The following NXPH1 variants were observed in gnomAD, a reference collection of about 807,000 sequenced individuals.
NXPH1 encodes neurexophilin 1.
NXPH1 carries 5 observed loss-of-function variants against 23.7 expected under a neutral mutation model. That is an observed-to-expected ratio of 0.21 (90% confidence interval 0.11 to 0.44). The LOEUF (loss-of-function observed/expected upper bound fraction) is 0.44, where lower values mean the gene tolerates loss of function less well. Among genes scored for constraint, NXPH1 ranks in the 20% least tolerant of loss-of-function variants. NXPH1 has a pLI of 0.99. For synonymous variants in NXPH1, 144 were observed against 122.2 expected (o/e 1.18, Z -1.18); for missense variants, 324 against 321.6 (o/e 1.01, Z -0.06).
intron 2 of NXPH1, among the ~76,000 whole-genome samples, chr7:8,560,824 A>G (rs1174483173): frequency 1.3e-5 from 2 of 151,576 alleles, no homozygotes; most frequent in Non-Finnish European, 3.0e-5. Context: ...CAAAACCTCA[A>G]TTTGCTAAGG....
chr7:8,601,320 A>G (rs1562420783), intron 2 of NXPH1, among the ~76,000 whole-genome samples: 1 of 152,120 alleles, frequency 6.6e-6, no homozygotes, highest in Non-Finnish European at 1.5e-5. Flanking sequence ...GTGTTTGGTC[A>G]TAGGAGAACC....
chr7:8,579,848 A>T (rs943506725), intron 2 of NXPH1, among the ~76,000 whole-genome samples: 3 of 152,200 alleles, frequency 2.0e-5, no homozygotes, highest in African/African-American at 7.2e-5. Context: ...AGCCATCCCT[A>T]TTAAATCCAT....
chr7:8,694,512 A>G (rs959510924), intron 2 of NXPH1, among the ~76,000 whole-genome samples: 4 of 152,340 alleles, frequency 2.6e-5, no homozygotes, highest in South Asian at 4.1e-4. Context: ...TTGCCCTAGT[A>G]CCACATCAGA....
At position 8,448,740 on chromosome 7, in the gene NXPH1, G is replaced by A. The variant is rs540868613; in HGVS notation, c.54+12973G>A. 3.3e-4 allele frequency among the ~76,000 whole-genome samples: 50 copies of A among 151,046 alleles called. No homozygotes were observed. In the Middle Eastern group the frequency reaches 0.017, roughly 52 times the overall value. On this transcript the variant is annotated intron_variant, in intron 2 of 2. Coordinates refer to ENST00000405863, the MANE Select transcript of NXPH1 (RefSeq NM_152745.3). ...TGAGGCAAGAGAATTGCTTGAACCT[G>A]GGAGGGGGAGGTTGCCATGAGCTGA... is the stretch of plus-strand genomic sequence containing the variant.
intron 2 of NXPH1, among the ~76,000 whole-genome samples, chr7:8,705,446 C>T (rs752965357): frequency 6.6e-6 from 1 of 152,176 alleles, no homozygotes; most frequent in Non-Finnish European, 1.5e-5. Flanking sequence ...TAAAGTAGTA[C>T]TGCAACCCTA....
chr7:8,729,858 G>A (rs1430476833), intron 2 of NXPH1, among the ~76,000 whole-genome samples: 7 of 150,486 alleles, frequency 4.7e-5, no homozygotes, highest in African/African-American at 1.5e-4. Flanking sequence ...TATTAGGTCC[G>A]CTTGGTGCAG....
intron 2 of NXPH1, among the ~76,000 whole-genome samples, chr7:8,487,323 A>T (rs1817174963): frequency 6.6e-6 from 1 of 152,104 alleles, no homozygotes; most frequent in Non-Finnish European, 1.5e-5. Flanking sequence ...TATGATAGTG[A>T]ATAAGTCTCA....
chr7:8,677,136 A>G (rs1820964358), intron 2 of NXPH1, among the ~76,000 whole-genome samples: 1 of 152,220 alleles, frequency 6.6e-6, no homozygotes, highest in South Asian at 2.1e-4. Context: ...ACTTTGTTTC[A>G]TACTAATCTG....
At chr7:8,618,202 C>G (rs1819787524) in intron 2 of NXPH1, among the ~76,000 whole-genome samples, 1 of 152,058 alleles carries the variant, frequency 6.6e-6, no homozygotes, top group Admixed American at 6.6e-5. Context: ...CATGTTTGTA[C>G]TTTATGATCT....
chr7:8,487,938 A>T (rs1186602149), intron 2 of NXPH1, among the ~76,000 whole-genome samples: 1 of 152,134 alleles, frequency 6.6e-6, no homozygotes, highest in Non-Finnish European at 1.5e-5. Flanking sequence ...GGTCACATAG[A>T]ATAACGTATT....
chr7:8,473,613 T>C (rs1816910462), intron 2 of NXPH1, among the ~76,000 whole-genome samples: 1 of 152,168 alleles, frequency 6.6e-6, no homozygotes. Context: ...TTATATTTTT[T>C]CAGTTTCCAT....
At chr7:8,469,227 A>C (rs1416079568) in intron 2 of NXPH1, among the ~76,000 whole-genome samples, 1 of 151,968 alleles carries the variant, frequency 6.6e-6, no homozygotes, top group Non-Finnish European at 1.5e-5. Flanking sequence ...CAATCTCTGA[A>C]ATTTAAATTC....
chr7:8,669,701 G>C (rs1009418355), intron 2 of NXPH1, among the ~76,000 whole-genome samples: 1 of 152,104 alleles, frequency 6.6e-6, no homozygotes, highest in Non-Finnish European at 1.5e-5. Flanking sequence ...GGAGTCCAAG[G>C]CCAAGTCCAC....
At chr7:8,474,664 C>T (rs1816938431) in intron 2 of NXPH1, among the ~76,000 whole-genome samples, 1 of 152,140 alleles carries the variant, frequency 6.6e-6, no homozygotes, top group African/African-American at 2.4e-5. Flanking sequence ...TCTGACAAAA[C>T]TTTAATAGTC....
chr7:8,688,246 C>A (rs1346893549), intron 2 of NXPH1, among the ~76,000 whole-genome samples: 1 of 152,074 alleles, frequency 6.6e-6, no homozygotes, highest in Admixed American at 6.6e-5. Flanking sequence ...TATTCAGAAA[C>A]TTGATAAACA....
chr7:8,509,687 C>G (rs1443225085), intron 2 of NXPH1, among the ~76,000 whole-genome samples: 1 of 152,022 alleles, frequency 6.6e-6, no homozygotes, highest in Non-Finnish European at 1.5e-5. Context: ...CTAGGAAAGT[C>G]AGGCGTGACA....
chr7:8,544,468 A>G (rs1382235654), intron 2 of NXPH1, among the ~76,000 whole-genome samples: 2 of 151,640 alleles, frequency 1.3e-5, no homozygotes, highest in Admixed American at 1.3e-4. Context: ...GATTCTTGAA[A>G]GACTCATAAA....
At chr7:8,684,049 A>G (rs1057072232) in intron 2 of NXPH1, among the ~76,000 whole-genome samples, 3 of 152,162 alleles carry the variant, frequency 2.0e-5, no homozygotes, top group African/African-American at 7.2e-5. Context: ...GAGAGATGAA[A>G]GAACTGTATC....
intron 2 of NXPH1, 55 bp from the exon 3 acceptor site, chr7:8,750,953 G>C (rs1158561727): frequency 6.6e-7 from 1 of 1,515,318 alleles, no homozygotes; most frequent in Non-Finnish European, 9.1e-7. Context: ...TCTATGCATT[G>C]GGTGTTATTC....
Sources: allele counts gnomAD v4.1 joint callset (sites outside exome capture counted in the v4.1 genomes callset), GRCh38; gene constraint gnomAD v4.1.1; transcripts MANE v1.5; gene names NCBI Gene and HGNC (gene_info 2026-07-23, HGNC 2026-07-21).